Variants in LIAS observed in about 807,000 individuals in gnomAD.
LIAS encodes the protein lipoic acid synthetase, also known as lipoyl synthase, mitochondrial.
LIAS carries 36 observed loss-of-function variants against 49.4 expected under a neutral mutation model. That is an observed-to-expected ratio of 0.73 (90% CI 0.56 to 0.96). The LOEUF is 0.96. Ranked by LOEUF, LIAS falls within the 40% of genes least tolerant of loss-of-function variation. The pLI, the probability that LIAS is intolerant of heterozygous loss-of-function variation, is 0.00. For missense variants in LIAS, 399 were observed against 456.3 expected, an observed-to-expected ratio of 0.87 and a Z score of 1.14; for synonymous variants, 145 against 155.8, an observed-to-expected ratio of 0.93 and a Z score of 0.52.
chr4:39,472,016 G>A (rs951375773), intron 9 of LIAS, among the ~76,000 whole-genome samples: 1 of 151,748 alleles, frequency 6.6e-6, no homozygotes, highest in African/African-American at 2.4e-5. Flanking sequence ...GCCTTCTGTT[G>A]ACCGGAAGCC....
intron 2 of LIAS, among the ~76,000 whole-genome samples, chr4:39,461,793 C>T (rs1419055786): frequency 6.6e-6 from 1 of 152,210 alleles, no homozygotes; most frequent in Non-Finnish European, 1.5e-5. Context: ...CTCCTGGGTT[C>T]AAGGGATTCT....
Position 39,477,199 on chromosome 4 carries a change from C to A in LIAS, c.*84C>A. 9.6e-7 allele frequency: 1 copy of A among 1,036,712 alleles called. No homozygotes were observed. Among genetic ancestry groups the A allele is most frequent in the Non-Finnish European group, 1.5e-6 (1 of 687,170 alleles). 64.2% of individuals were successfully genotyped at this position (1,036,712 alleles called of 1,614,324 possible). A position where few individuals can be genotyped will look rare whatever the true frequency, so the allele number is the denominator to read the frequency against. ...CAGAGGTGGTGCCAGAATGCCTGGACTGCAGTGGATGTGCCCCACCTCTTT... is the reference window on the plus strand; with the variant it reads ...CAGAGGTGGTGCCAGAATGCCTGGAATGCAGTGGATGTGCCCCACCTCTTT... On this transcript the variant is annotated 3_prime_UTR_variant, in exon 11 of 11. Transcript: ENST00000640888.
Position 39,477,087 on chromosome 4 carries a change from T to G in LIAS, c.1091T>G (p.Val364Gly). The change falls in exon 11 of 11, where the codon GTG becomes GGG. Residue 364 changes from valine to glycine, a missense_variant. This residue lies in a region of LIAS where 234 missense variants were observed against 292.2 expected (regional missense o/e 0.80). Transcript: ENST00000640888. ...KAGEFFLKNL[V>G]AKRKTKDL ...GGTGAATTTTTCCTGAAAAATCTAG[T>G]GGCTAAAAGAAAAACAAAAGACCTC... 4.4e-6 allele frequency: 7 copies of G among 1,598,358 alleles called. No individual in the cohort carries two copies. The highest frequency in any genetic ancestry group is 2.2e-5 in the East Asian group (1 of 44,658).
At position 39,470,151 on chromosome 4, in the gene LIAS, T is replaced by C; in HGVS notation, c.870T>C (p.Tyr290=). ...TAGGCGAGAATGATGAGCAAGTATA[T>C]GCAACAATGAAAGGTAAAGAAATTG... The part of the protein sequence containing the change: ...LGLGENDEQV[Y]ATMKALREAD... Residue 290 remains tyrosine, a synonymous_variant, in exon 8 of 11, where the codon TAT becomes TAC. Transcript: ENST00000640888. 1 of 1,610,952 alleles carries C rather than the reference T, an allele frequency of 6.2e-7. No individual in the cohort carries two copies. The highest frequency in any genetic ancestry group is 1.3e-5 in the African/African-American group (1 of 74,968).
chr4:39,471,337 T>C, intron 9 of LIAS, 31 bp downstream of exon 9: 1 of 1,552,582 alleles, frequency 6.4e-7, no homozygotes, highest in Non-Finnish European at 8.8e-7. Flanking sequence ...TTTTTTTTTT[T>C]TTTTTTATTT....
intron 1 of LIAS, among the ~76,000 whole-genome samples, chr4:39,459,546 G>A (rs987185255): frequency 6.6e-6 from 1 of 152,220 alleles, no homozygotes; most frequent in Non-Finnish European, 1.5e-5. Context: ...GGCAGACATT[G>A]AGAAGTGCAG....
intron 3 of LIAS, among the ~76,000 whole-genome samples, chr4:39,462,672 C>A (rs1001318576): frequency 6.6e-6 from 1 of 152,132 alleles, no homozygotes; most frequent in African/African-American, 2.4e-5. Flanking sequence ...TATATACATT[C>A]GTAAAGTTTT....
At chr4:39,460,424 C>T (rs1352350538) in intron 1 of LIAS, among the ~76,000 whole-genome samples, 3 of 151,570 alleles carry the variant, frequency 2.0e-5, no homozygotes, top group Non-Finnish European at 4.4e-5. Context: ...GTCCCAGCTA[C>T]TCAGGAGGCT....
At chr4:39,471,134 T>G (rs1744963918) in intron 8 of LIAS, 102 bp from the exon 9 acceptor site, 1 of 790,532 alleles carries the variant, frequency 1.3e-6, no homozygotes, top group Non-Finnish European at 2.2e-6. Context: ...GATTATGGAC[T>G]GTCATAAAGT....
rs10022912 is a variant in LIAS at position 39,479,134 on chromosome 4, T to A, written c.*2019T>A. 4 of 152,182 alleles carry A rather than the reference T, an allele frequency of 2.6e-5. No individual in the cohort carries two copies. The highest frequency in any genetic ancestry group is 2.6e-4 in the Admixed American group (4 of 15,284). 9.4% of individuals were successfully genotyped at this position (152,182 alleles called of 1,614,324 possible). A position where few individuals can be genotyped will look rare whatever the true frequency, so the allele number is the denominator to read the frequency against. On this transcript the variant is annotated 3_prime_UTR_variant, in exon 11 of 11. Coordinates refer to ENST00000640888, the MANE Select transcript of LIAS (RefSeq NM_006859.4). The stretch of plus-strand genomic sequence containing the variant: ...CTGAGGCAGGAGAATCACTTGAACC[T>A]GACAGGCAGAGGTTGCAGTGAGCTG...
intron 4 of LIAS, chr4:39,464,053 G>A (rs28655773): frequency 0.078 from 11,885 of 152,300 alleles, 567 homozygotes; most frequent in African/African-American, 0.13. Flanking sequence ...TTCATAGGCC[G>A]GGTGCAGTGG....
At chr4:39,467,408 T>C in intron 6 of LIAS, 110 bp from the exon 7 acceptor site, 1 of 1,050,222 alleles carries the variant, frequency 9.5e-7, no homozygotes, top group African/African-American at 1.6e-5. Context: ...GACAAAGTTC[T>C]AAAGGTTACT....
At chr4:39,475,484 C>G (rs1347338476) in intron 10 of LIAS, 8 of 151,404 alleles carry the variant, frequency 5.3e-5, no homozygotes, top group Admixed American at 5.3e-4. Flanking sequence ...GGGTCTAAAT[C>G]TTAAATATGT....
chr4:39,460,810 C>G lies in LIAS; in HGVS notation c.66C>G (p.Cys22Trp), dbSNP rs529501318. ...LGPRVFGRYFCSPVRPLSSLP... is the reference protein window; with the variant it reads ...LGPRVFGRYFWSPVRPLSSLP... ...TTTAGGTATTTGGGAGATATTTTTG[C>G]AGCCCAGTCAGACCGTTAAGCTCCT... is the stretch of plus-strand genomic sequence containing the variant. Residue 22 changes from cysteine to tryptophan, a missense_variant, in exon 2 of 11, where the codon TGC becomes TGG. Transcript: ENST00000640888. 5 of 1,573,186 alleles carry G rather than the reference C, an allele frequency of 3.2e-6. No individual in the cohort carries two copies. The highest frequency in any genetic ancestry group is 1.4e-5 in the African/African-American group (1 of 72,630).
At chr4:39,476,300 T>G (rs533613696) in intron 10 of LIAS, 2 of 152,216 alleles carry the variant, frequency 1.3e-5, no homozygotes, top group African/African-American at 4.8e-5. Context: ...TGGAGCAGCA[T>G]GGATTACTTG....
rs772474687 is a variant in LIAS, at chr4:39,459,115, G to C, written c.-3G>C. ...CCTGCACTGCGCTAGTCCTAAAGAG[G>C]AAATGTCTCTACGCTGCGGGGATGC... On this transcript the variant is annotated 5_prime_UTR_variant, in exon 1 of 11. Coordinates refer to ENST00000640888, the MANE Select transcript of LIAS (RefSeq NM_006859.4). The C allele has an allele frequency of 1.9e-6, 3 of 1,614,118 alleles. No homozygotes were observed. Among genetic ancestry groups the C allele is most frequent in the Non-Finnish European group, 2.5e-6 (3 of 1,180,028 alleles).
At chr4:39,463,332 C>T (rs545342463) in intron 3 of LIAS, among the ~76,000 whole-genome samples, 193 bp from the exon 4 acceptor site, 4 of 152,304 alleles carry the variant, frequency 2.6e-5, no homozygotes, top group Admixed American at 1.3e-4. Flanking sequence ...AATCCTCCTG[C>T]CTCAGCTTCC....
intron 4 of LIAS, chr4:39,464,245 A>G (rs1364030006): frequency 1.3e-5 from 2 of 151,828 alleles, no homozygotes; most frequent in Admixed American, 1.3e-4. Context: ...CTGAGGTGGG[A>G]GGATCACTTG....
chr4:39,465,330 A>G lies in LIAS; in HGVS notation c.596A>G (p.Tyr199Cys). 6.2e-7 allele frequency: 1 copy of G among 1,609,666 alleles called. No individual in the cohort carries two copies. Among genetic ancestry groups the G allele is most frequent in the Non-Finnish European group, 8.5e-7 (1 of 1,179,024 alleles). ...GAEHIAKTVS[Y>C]LKERNPKILV... ...GAACACATTGCAAAGACCGTATCAT[A>G]TTTAAAGGAAAGGTACTTATTTTTG... The change falls in exon 6 of 11, where the codon TAT (tyrosine) becomes TGT (cysteine). Residue 199 changes from tyrosine to cysteine, a missense_variant. Tyr to Cys is a radical substitution (Grantham distance 194). Around this residue, in one of 3 missense-constraint regions of LIAS, gnomAD observed 234 missense variants for 292.2 expected, o/e 0.80. Transcript: ENST00000640888.
Sources: allele counts gnomAD v4.1 joint callset (sites outside exome capture counted in the v4.1 genomes callset), GRCh38; gene constraint gnomAD v4.1.1; regional missense constraint gnomAD v4.1.1; transcripts MANE v1.5; gene names NCBI Gene and HGNC (gene_info 2026-07-23, HGNC 2026-07-21).